XRN2: variants seen among roughly 807,000 people sequenced by gnomAD.
XRN2 encodes 5'-3' exoribonuclease 2.
In XRN2, 44 loss-of-function variants were observed where a neutral mutation model predicts 138.5. The ratio of observed to expected loss-of-function variants is 0.32; its 90% CI spans 0.25 to 0.41. The LOEUF is 0.41. Ranked by LOEUF, XRN2 falls within the 10% of genes least tolerant of loss-of-function variation. XRN2 has a pLI of 1.00. For missense variants in XRN2, 937 were observed against 1,169.3 expected (o/e 0.80, Z 2.90); for synonymous variants, 354 against 369.4 (o/e 0.96, Z 0.48).
chr20:21,365,796 T>G, intron 26 of XRN2, 92 bp downstream of exon 26: 3 of 512,806 alleles, frequency 5.9e-6, no homozygotes, highest in Non-Finnish European at 7.9e-6. Context: ...TATAAATTTA[T>G]GCCATATATA....
intron 15 of XRN2, among the ~76,000 whole-genome samples, chr20:21,341,597 G>A (rs1426630107): frequency 6.6e-6 from 1 of 152,212 alleles, no homozygotes; most frequent in Non-Finnish European, 1.5e-5. Context: ...TACCCAGTGG[G>A]ACAGCAACAG....
rs773998493 is a variant in XRN2 at position 21,357,724 on chromosome 20, G to C, written c.2199-12G>C. 5.1e-6 allele frequency: 8 copies of C among 1,577,346 alleles called. No homozygotes were observed. The highest frequency in any genetic ancestry group is 6.0e-6 in the Non-Finnish European group (7 of 1,163,306). ...TTTACAGAGAGATGTTTCTTCTCTT[G>C]TTTCCTTCTAGAATAGTATGTTCTC... On this transcript the variant is annotated splice_polypyrimidine_tract_variant and intron_variant, in intron 23 of 29. Coordinates refer to ENST00000377191, the MANE Select transcript of XRN2 (RefSeq NM_012255.5).
chr20:21,314,760 G>C (rs917817597), intron 1 of XRN2, among the ~76,000 whole-genome samples: 4 of 152,076 alleles, frequency 2.6e-5, no homozygotes, highest in African/African-American at 4.8e-5. Context: ...AGTGTATGAG[G>C]GTTCCAATTT....
intron 1 of XRN2, among the ~76,000 whole-genome samples, chr20:21,316,137 C>G (rs934353860): frequency 6.6e-6 from 1 of 151,980 alleles, no homozygotes; most frequent in African/African-American, 2.4e-5. Context: ...GCCTGTAATC[C>G]CAGCTACTCA....
intron 1 of XRN2, among the ~76,000 whole-genome samples, chr20:21,314,648 G>A (rs2037932625): frequency 6.6e-6 from 1 of 151,782 alleles, no homozygotes; most frequent in Non-Finnish European, 1.5e-5. Flanking sequence ...CACTATGCTT[G>A]GCTAACTTTT....
intron 1 of XRN2, among the ~76,000 whole-genome samples, chr20:21,324,773 A>G (rs1183492286): frequency 6.6e-6 from 1 of 152,102 alleles, no homozygotes; most frequent in Non-Finnish European, 1.5e-5. Flanking sequence ...AGCTGAGACT[A>G]CCCGCACATA....
intron 20 of XRN2, among the ~76,000 whole-genome samples, chr20:21,350,635 C>T (rs1487071610): frequency 6.6e-6 from 1 of 151,242 alleles, no homozygotes; most frequent in East Asian, 1.9e-4. Context: ...TTTCTTCCAC[C>T]ATACATTTTC....
rs1301162981 is a variant in XRN2 at position 21,330,643 on chromosome 20, A to G, written c.514A>G (p.Lys172Glu). Residue 172 changes from lysine to glutamate, a missense_variant, in exon 6 of 30, where the codon AAA becomes GAA. By Grantham distance (56) the Lys-to-Glu change is moderately conservative. Transcript: ENST00000377191. ...PGTEFMDNLAKCLRYYIADRL... is the reference protein window; with the variant it reads ...PGTEFMDNLAECLRYYIADRL... ...AACTGAATTCATGGACAATCTTGCT[A>G]AATGCCTTCGCTATTACATAGCTGA... is the stretch of plus-strand genomic sequence containing the variant. The G allele has an allele frequency of 1.9e-6, 3 of 1,613,518 alleles. No homozygotes were observed. Among genetic ancestry groups the G allele is most frequent in the African/African-American group, 1.3e-5 (1 of 74,924 alleles).
chr20:21,340,624 A>G, intron 14 of XRN2, 97 bp from the exon 15 acceptor site: 1 of 1,385,372 alleles, frequency 7.2e-7, no homozygotes, highest in Non-Finnish European at 9.9e-7. Flanking sequence ...TAAAGTGCTT[A>G]CAGTTTGGAC....
At position 21,307,945 on chromosome 20, in the gene XRN2, A is replaced by AT. The variant is rs1227395275; in HGVS notation, c.75+4481dup. ...AGTAGTTTATTTCTTTTTTGTTTTT[A>AT]TTTTTTTTTGAGATGGAGTCTCGCT... On this transcript the variant is annotated intron_variant, in intron 1 of 29. Coordinates refer to ENST00000377191, the MANE Select transcript of XRN2 (RefSeq NM_012255.5). Among the ~76,000 whole-genome samples, 48 of 71,334 alleles carry AT rather than the reference A, an allele frequency of 6.7e-4. 15 individuals carry two copies. Among genetic ancestry groups the AT allele is most frequent in the African/African-American group, 1.7e-3 (44 of 26,294 alleles). The allele number at this position is 71,334 out of a possible 152,430, so 46.8% of individuals were successfully genotyped here.
intron 17 of XRN2, among the ~76,000 whole-genome samples, chr20:21,347,069 A>T (rs1214133529): frequency 6.6e-6 from 1 of 152,206 alleles, no homozygotes; most frequent in Non-Finnish European, 1.5e-5. Context: ...AAACAAAGCT[A>T]ATTTTTGTTA....
intron 28 of XRN2, among the ~76,000 whole-genome samples, chr20:21,385,416 A>G (rs1257229257): frequency 6.6e-6 from 1 of 152,238 alleles, no homozygotes; most frequent in Non-Finnish European, 1.5e-5. Flanking sequence ...AGATGGAGGC[A>G]TTCTTGCTAA....
intron 19 of XRN2, 86 bp from the exon 20 acceptor site, chr20:21,349,303 A>G (rs1001934215): frequency 1.2e-5 from 11 of 946,578 alleles, no homozygotes; most frequent in African/African-American, 1.6e-5. Flanking sequence ...ATCAGACCTT[A>G]TAACTTGAAT....
At chr20:21,332,475 A>AG in intron 9 of XRN2, 35 bp downstream of exon 9, 1 of 1,543,004 alleles carries the variant, frequency 6.5e-7, no homozygotes, top group Non-Finnish European at 8.7e-7. Context: ...CCTCATTAAA[A>AG]AAAAAAATCT....
chr20:21,330,535 C>G lies in XRN2; in HGVS notation c.482C>G (p.Thr161Arg), dbSNP rs1204235273. 1 of 1,613,896 alleles carries G rather than the reference C, an allele frequency of 6.2e-7. No individual in the cohort carries two copies. The highest frequency in any genetic ancestry group is 1.7e-5 in the Admixed American group (1 of 60,012). The change falls in exon 5 of 30, where the codon ACA becomes AGA. Residue 161 changes from threonine (T) to arginine (R), a missense_variant. Coordinates refer to ENST00000377191, the MANE Select transcript of XRN2 (RefSeq NM_012255.5). ...GAAAGATTTGACAGCAACTGTATTA[C>G]ACCAGTAAGTAGTCTCATACTTTGC... ...IKERFDSNCI[T>R]PGTEFMDNLA...
intron 21 of XRN2, among the ~76,000 whole-genome samples, chr20:21,355,556 A>G (rs186121875): frequency 6.4e-4 from 97 of 152,196 alleles, no homozygotes; most frequent in Middle Eastern, 3.4e-3. Flanking sequence ...AAAAGAAAAT[A>G]TTGCCCTTTA....
Position 21,368,608 on chromosome 20 carries a change from G to A in XRN2, c.2584+18G>A, listed in dbSNP as rs377037182. ...TATGTCAAGTAAGCTTTTACAAATC[G>A]GTTATTTTACATTATAAATTAAATA... On this transcript the variant is annotated intron_variant, in intron 27 of 29. Coordinates refer to ENST00000377191, the MANE Select transcript of XRN2 (RefSeq NM_012255.5). The A allele has an allele frequency of 2.1e-5, 34 of 1,607,532 alleles. No individual in the cohort carries two copies. In the Admixed American group the frequency reaches 2.9e-4, roughly 14 times the overall value.
intron 20 of XRN2, among the ~76,000 whole-genome samples, chr20:21,350,690 A>G (rs539410391): frequency 1.4e-4 from 21 of 152,158 alleles, no homozygotes; most frequent in Admixed American, 7.9e-4. Flanking sequence ...TTCATTTTTT[A>G]CTTATTGTTC....
At chr20:21,341,940 C>G (rs572531774) in intron 15 of XRN2, among the ~76,000 whole-genome samples, 3 of 151,942 alleles carry the variant, frequency 2.0e-5, no homozygotes, top group Non-Finnish European at 4.4e-5. Context: ...TCTTCAGGCC[C>G]GGTAGTATTA....
Sources: gnomAD v4.1 joint callset for allele counts (sites outside exome capture counted in the v4.1 genomes callset) on GRCh38, gnomAD v4.1.1 for gene constraint, MANE v1.5 for transcripts, NCBI Gene and HGNC (gene_info 2026-07-23, HGNC 2026-07-21) for gene names.